The following LRRTM4 variants were observed in gnomAD, a reference collection of about 807,000 sequenced individuals.
LRRTM4 encodes leucine-rich repeat transmembrane neuronal protein 4.
A neutral mutation model predicts 47.6 loss-of-function variants in LRRTM4; 25 were observed. The ratio of observed to expected loss-of-function variants is 0.53; its 90% CI spans 0.38 to 0.73. The LOEUF (loss-of-function observed/expected upper bound fraction) is 0.73, where lower values mean the gene tolerates loss of function less well. Among genes scored for constraint, LRRTM4 ranks in the 30% least tolerant of loss-of-function variants. The pLI is 0.00. For missense variants in LRRTM4, 638 were observed against 713.4 expected (o/e 0.89, Z 1.20); for synonymous variants, 311 against 269.5 (o/e 1.15, Z -1.51).
chr2:76,915,575 A>T (rs1261992865), intron 3 of LRRTM4, among the ~76,000 whole-genome samples: 1 of 152,198 alleles, frequency 6.6e-6, no homozygotes, highest in African/African-American at 2.4e-5. Flanking sequence ...TCACTTAAGT[A>T]AATCTGAATG....
intron 3 of LRRTM4, among the ~76,000 whole-genome samples, chr2:77,293,268 G>A (rs1201394629): frequency 6.6e-6 from 1 of 152,056 alleles, no homozygotes; most frequent in Non-Finnish European, 1.5e-5. Flanking sequence ...AACATTTGTT[G>A]AGAACTTATT....
chr2:76,825,534 G>A (rs1347309629), intron 3 of LRRTM4, among the ~76,000 whole-genome samples: 1 of 151,736 alleles, frequency 6.6e-6, no homozygotes, highest in African/African-American at 2.4e-5. Context: ...AGATGCGGAA[G>A]TGAGGATATC....
intron 3 of LRRTM4, chr2:77,517,443 A>C (rs2104120823): frequency 1.0e-6 from 1 of 985,158 alleles, no homozygotes; most frequent in Non-Finnish European, 1.2e-6. Context: ...ATACTGACAA[A>C]CAGTCCCTGT....
At chr2:77,308,757 TC>T (rs1455398951) in intron 3 of LRRTM4, among the ~76,000 whole-genome samples, 1 of 152,098 alleles carries the variant, frequency 6.6e-6, no homozygotes, top group Non-Finnish European at 1.5e-5. Context: ...TGTTTTGTTT[TC>T]TTTTTTGTTC....
intron 3 of LRRTM4, among the ~76,000 whole-genome samples, chr2:77,001,674 C>A (rs1677435200): frequency 6.6e-6 from 1 of 152,050 alleles, no homozygotes; most frequent in Admixed American, 6.6e-5. Context: ...CCAATACAGG[C>A]CATGTAAGGT....
At chr2:76,779,509 C>T (rs368619823) in intron 3 of LRRTM4, among the ~76,000 whole-genome samples, 96,118 of 133,812 alleles carry the variant, frequency 0.72, 36,318 homozygotes, top group African/African-American at 0.93. Flanking sequence ...CCTTTACCAT[C>T]ATGTAATGGC....
intron 3 of LRRTM4, among the ~76,000 whole-genome samples, chr2:77,306,613 T>A (rs1677279978): frequency 6.6e-6 from 1 of 152,150 alleles, no homozygotes; most frequent in Non-Finnish European, 1.5e-5. Flanking sequence ...GACCAATTAG[T>A]GATAAAGTCA....
intron 3 of LRRTM4, among the ~76,000 whole-genome samples, chr2:77,265,208 C>G (rs76358953): frequency 6.6e-6 from 1 of 152,024 alleles, no homozygotes; most frequent in Non-Finnish European, 1.5e-5. Flanking sequence ...ATTTTAACTA[C>G]TTTATTTATC....
At chr2:76,934,501 T>A (rs1035774594) in intron 3 of LRRTM4, among the ~76,000 whole-genome samples, 1 of 152,210 alleles carries the variant, frequency 6.6e-6, no homozygotes, top group African/African-American at 2.4e-5. Flanking sequence ...AAGACTTCAA[T>A]TTAATGGTGT....
intron 3 of LRRTM4, among the ~76,000 whole-genome samples, chr2:77,480,827 GAGAGAGAGAGA>G (rs1302263414): frequency 0.15 from 7,693 of 49,736 alleles, 221 homozygotes; most frequent in Non-Finnish European, 0.22. Flanking sequence ...TGTGTGGAGA[GAGAGAGAGAGA>G]GAGAGAGAGA....
At chr2:77,396,974 G>A (rs553999027) in intron 3 of LRRTM4, among the ~76,000 whole-genome samples, 155 of 151,962 alleles carry the variant, frequency 1.0e-3, no homozygotes, top group Non-Finnish European at 1.7e-3. Flanking sequence ...GGCTTCCAAT[G>A]CAGCAAGACA....
At position 76,929,255 on chromosome 2, in the gene LRRTM4, G is replaced by A. The variant is rs1475857463; in HGVS notation, c.1552-180339C>T. Reference sequence around the variant, plus strand: ...TGTTTGCTTTGTTTTGTTTCTTTGTGGGGTGACATTAAACAGCTAGATGTT... The same window carrying A: ...TGTTTGCTTTGTTTTGTTTCTTTGTAGGGTGACATTAAACAGCTAGATGTT... On this transcript the variant is annotated intron_variant, in intron 3 of 3. Transcript: ENST00000409884. Among the ~76,000 whole-genome samples the A allele has an allele frequency of 2.0e-5, 3 of 152,096 alleles. No homozygotes were observed. The East Asian group carries it at 5.8e-4, about 29-fold the overall frequency.
chr2:77,350,575 A>G (rs1016563206), intron 3 of LRRTM4, among the ~76,000 whole-genome samples: 2 of 152,182 alleles, frequency 1.3e-5, no homozygotes, highest in African/African-American at 4.8e-5. Flanking sequence ...TTGAGTATAA[A>G]ACTAATTAAA....
rs527608096 is a variant in LRRTM4 at position 77,167,778 on chromosome 2, AACATCAC to A, written c.1551+350533_1551+350539del. Among the ~76,000 whole-genome samples the A allele has an allele frequency of 2.0e-4, 30 of 152,254 alleles. No individual in the cohort carries two copies. In the East Asian group the frequency reaches 4.8e-3, roughly 25 times the overall value. On this transcript the variant is annotated intron_variant, in intron 3 of 3. Coordinates refer to ENST00000409884, the MANE Select transcript of LRRTM4 (RefSeq NM_001134745.3). ...GAGAACATTTGGACACAGGATGGGG[AACATCAC>A]ACACTGGGCCTGTCATGGGATGGGG... is the stretch of plus-strand genomic sequence containing the variant.
chr2:77,296,024 A>G (rs1040506971), intron 3 of LRRTM4, among the ~76,000 whole-genome samples: 1 of 152,180 alleles, frequency 6.6e-6, no homozygotes, highest in Non-Finnish European at 1.5e-5. Context: ...ATTCTACAGC[A>G]AATATCTGAG....
At chr2:76,897,612 C>T (rs973564963) in intron 3 of LRRTM4, among the ~76,000 whole-genome samples, 13 of 152,020 alleles carry the variant, frequency 8.6e-5, no homozygotes, top group African/African-American at 2.2e-4. Flanking sequence ...TAAAGGTAGC[C>T]GTTATAGCTG....
intron 3 of LRRTM4, among the ~76,000 whole-genome samples, chr2:76,847,979 G>A (rs999618900): frequency 5.3e-5 from 8 of 152,066 alleles, no homozygotes; most frequent in African/African-American, 1.9e-4. Flanking sequence ...CAATAATAAA[G>A]AGGTAGCAAG....
intron 3 of LRRTM4, among the ~76,000 whole-genome samples, chr2:77,332,948 G>A (rs1671023170): frequency 2.0e-5 from 3 of 152,174 alleles, no homozygotes; most frequent in African/African-American, 7.2e-5. Flanking sequence ...GAACTAGGTG[G>A]GAGGTGATTG....
At chr2:77,087,763 T>C (rs528956264) in intron 3 of LRRTM4, among the ~76,000 whole-genome samples, 1 of 152,238 alleles carries the variant, frequency 6.6e-6, no homozygotes, top group East Asian at 1.9e-4. Context: ...ATTATCAAAA[T>C]AGAATGAGAA....
Sources: gnomAD v4.1 joint callset for allele counts (sites outside exome capture counted in the v4.1 genomes callset) on GRCh38, gnomAD v4.1.1 for gene constraint, MANE v1.5 for transcripts, NCBI Gene and HGNC (gene_info 2026-07-23, HGNC 2026-07-21) for gene names.